The following CALD1 variants were observed in gnomAD, a reference collection of about 807,000 sequenced individuals.
The protein encoded by CALD1 is caldesmon.
CALD1 carries 33 observed loss-of-function variants against 99.9 expected under a neutral mutation model. The ratio of observed to expected loss-of-function variants is 0.33; its 90% CI spans 0.25 to 0.44. The LOEUF is 0.44. Among genes scored for constraint, CALD1 ranks in the 20% least tolerant of loss-of-function variants. The pLI is 1.00. For missense variants in CALD1, 861 were observed against 962.1 expected, an observed-to-expected ratio of 0.89 and a Z score of 1.39; for synonymous variants, 310 against 325.0, an observed-to-expected ratio of 0.95 and a Z score of 0.50.
At chr7:134,759,360 A>G (rs2131590136) in intron 1 of CALD1, among the ~76,000 whole-genome samples, 1 of 152,326 alleles carries the variant, frequency 6.6e-6, no homozygotes. Context: ...TTACATTGGA[A>G]GTTCACTGTG....
intron 2 of CALD1, among the ~76,000 whole-genome samples, chr7:134,860,741 G>A (rs895298106): frequency 6.6e-6 from 1 of 152,174 alleles, no homozygotes; most frequent in Non-Finnish European, 1.5e-5. Flanking sequence ...ATGAGCTGTA[G>A]CTGACAGTGT....
rs146861009 is a variant in CALD1, at chr7:134,847,146, G to A, written c.-42+3175G>A. 4.1e-3 allele frequency among the ~76,000 whole-genome samples: 626 copies of A among 152,272 alleles called. 2 individuals carry two copies. Among genetic ancestry groups the A allele is most frequent in the African/African-American group, 0.012 (505 of 41,560 alleles). On this transcript the variant is annotated intron_variant, in intron 2 of 14. Transcript: ENST00000361675. Reference sequence around the variant, plus strand: ...CTTCGAAGGCTTTGCCCTTGTTTTCGAATGGGAGATTTTATAACCACTGTG... The same window carrying A: ...CTTCGAAGGCTTTGCCCTTGTTTTCAAATGGGAGATTTTATAACCACTGTG...
intron 1 of CALD1, among the ~76,000 whole-genome samples, chr7:134,834,314 A>G (rs1799346850): frequency 6.6e-6 from 1 of 152,388 alleles, no homozygotes; most frequent in Non-Finnish European, 1.5e-5. Flanking sequence ...AGATAATTAT[A>G]TGAAAACTGT....
At chr7:134,802,149 G>A (rs1797970896) in intron 1 of CALD1, among the ~76,000 whole-genome samples, 1 of 149,912 alleles carries the variant, frequency 6.7e-6, no homozygotes, top group Admixed American at 6.7e-5. Context: ...TAAGGTATAA[G>A]TTTGCCATAT....
chr7:134,752,312 A>G (rs1796691861), intron 1 of CALD1, among the ~76,000 whole-genome samples: 1 of 152,252 alleles, frequency 6.6e-6, no homozygotes, highest in Non-Finnish European at 1.5e-5. Flanking sequence ...CAAAATAACC[A>G]GTCAAATAAT....
intron 1 of CALD1, among the ~76,000 whole-genome samples, chr7:134,770,041 T>C (rs375104315): frequency 1.3e-5 from 2 of 152,212 alleles, no homozygotes; most frequent in East Asian, 1.9e-4. Context: ...AATTTTTATT[T>C]CTTGATGTAA....
At chr7:134,790,965 C>T (rs1193927218) in intron 1 of CALD1, among the ~76,000 whole-genome samples, 1 of 150,576 alleles carries the variant, frequency 6.6e-6, no homozygotes, top group Non-Finnish European at 1.5e-5. Flanking sequence ...GACAGAGCTG[C>T]TTCTGTGTGG....
intron 1 of CALD1, among the ~76,000 whole-genome samples, chr7:134,814,247 T>C (rs1361408607): frequency 1.3e-5 from 2 of 152,134 alleles, no homozygotes; most frequent in Non-Finnish European, 2.9e-5. Context: ...GTATAGAGCA[T>C]GAAGTTGCAG....
intron 14 of CALD1, among the ~76,000 whole-genome samples, chr7:134,965,627 A>G (rs1280023473): frequency 6.6e-6 from 1 of 152,102 alleles, no homozygotes; most frequent in African/African-American, 2.4e-5. Flanking sequence ...TTCTCAATAC[A>G]CCACAGTGGT....
intron 1 of CALD1, among the ~76,000 whole-genome samples, chr7:134,781,951 T>C (rs531339310): frequency 1.3e-5 from 2 of 152,366 alleles, no homozygotes; most frequent in South Asian, 4.1e-4. Flanking sequence ...AATTGGCTCC[T>C]GTGACTGGCC....
At chr7:134,786,091 C>T (rs1019528201) in intron 1 of CALD1, among the ~76,000 whole-genome samples, 6 of 152,144 alleles carry the variant, frequency 3.9e-5, no homozygotes, top group Non-Finnish European at 7.3e-5. Context: ...GCCATATCTA[C>T]TCAAGTACCA....
chr7:134,898,818 G>A (rs931954390), intron 3 of CALD1, among the ~76,000 whole-genome samples: 31 of 152,294 alleles, frequency 2.0e-4, no homozygotes, highest in Middle Eastern at 6.8e-3. Context: ...GCCTCCCAAA[G>A]TGCCGGCATT....
intron 1 of CALD1, among the ~76,000 whole-genome samples, chr7:134,769,678 T>TAGAGTGC (rs1490602960): frequency 2.0e-5 from 3 of 152,166 alleles, no homozygotes; most frequent in Non-Finnish European, 4.4e-5. Context: ...TTGCCCAGAC[T>TAGAGTGC]AGAGTGCAGA....
At chr7:134,742,038 C>CAG (rs2131533211), upstream of CALD1, among the ~76,000 whole-genome samples, 1 of 152,134 alleles carries the variant, frequency 6.6e-6, no homozygotes, top group Non-Finnish European at 1.5e-5. Flanking sequence ...CACACACACA[C>CAG]ACACACACAG....
chr7:134,922,593 G>A (rs1804695009), intron 3 of CALD1, among the ~76,000 whole-genome samples: 1 of 152,208 alleles, frequency 6.6e-6, no homozygotes, highest in Non-Finnish European at 1.5e-5. Flanking sequence ...ATTTGCTAGG[G>A]AAGCTGGGGT....
At chr7:134,837,907 G>T (rs1169001910) in intron 1 of CALD1, among the ~76,000 whole-genome samples, 1 of 152,142 alleles carries the variant, frequency 6.6e-6, no homozygotes, top group African/African-American at 2.4e-5. Flanking sequence ...TAAGTGTAGA[G>T]TTCTATGTGA....
intron 1 of CALD1, among the ~76,000 whole-genome samples, chr7:134,751,934 C>T (rs1333044184): frequency 1.3e-5 from 2 of 152,106 alleles, no homozygotes; most frequent in South Asian, 2.1e-4. Context: ...CGAGATCGTG[C>T]CACTGCACTC....
In CALD1 at chr7:134,854,041, C is replaced by T. The variant is rs561833691; in HGVS notation, c.-42+10070C>T. On this transcript the variant is annotated intron_variant, in intron 2 of 14. Coordinates refer to ENST00000361675, the MANE Select transcript of CALD1 (RefSeq NM_033138.4). ...TCAATGTCCCTGCAGAGGACATGAA[C>T]TCATCCTTTTTATGGTTGCATAGTA... is the stretch of plus-strand genomic sequence containing the variant. Among the ~76,000 whole-genome samples, 18 of 152,226 alleles carry T rather than the reference C, an allele frequency of 1.2e-4. No individual in the cohort carries two copies. In the South Asian group the frequency reaches 3.7e-3, roughly 32 times the overall value.
intron 1 of CALD1, among the ~76,000 whole-genome samples, chr7:134,832,518 A>G (rs1799271974): frequency 6.6e-6 from 1 of 152,204 alleles, no homozygotes; most frequent in Non-Finnish European, 1.5e-5. Flanking sequence ...GTGGGGTATA[A>G]AGTTGTGTGA....
Sources: gnomAD v4.1 joint callset for allele counts (sites outside exome capture counted in the v4.1 genomes callset) on GRCh38, gnomAD v4.1.1 for gene constraint, MANE v1.5 for transcripts, NCBI Gene and HGNC (gene_info 2026-07-23, HGNC 2026-07-21) for gene names.